CLASP1: variants seen among roughly 807,000 people sequenced by gnomAD.
The protein encoded by CLASP1 is cytoplasmic linker associated protein 1, also known as CLIP-associating protein 1.
CLASP1 carries 38 observed loss-of-function variants against 192.3 expected under a neutral mutation model. That is an observed-to-expected ratio of 0.20 (90% CI 0.15 to 0.26). The LOEUF (loss-of-function observed/expected upper bound fraction) is 0.26. Ranked by LOEUF, CLASP1 falls within the 10% of genes least tolerant of loss-of-function variation. The pLI, the probability that CLASP1 is intolerant of heterozygous loss-of-function variation, is 1.00. For missense variants in CLASP1, 1,433 were observed against 1,932.5 expected, an observed-to-expected ratio of 0.74 and a Z score of 4.85; for synonymous variants, 691 against 712.8, an observed-to-expected ratio of 0.97 and a Z score of 0.49.
At chr2:121,588,632 T>C (rs771169496) in intron 2 of CLASP1, among the ~76,000 whole-genome samples, 24 of 152,186 alleles carry the variant, frequency 1.6e-4, no homozygotes, top group Non-Finnish European at 3.4e-4. Flanking sequence ...TCTCCTCTTA[T>C]GGACAAGAAA....
At chr2:121,531,212 T>A (rs2094853191) in intron 2 of CLASP1, among the ~76,000 whole-genome samples, 1 of 152,110 alleles carries the variant, frequency 6.6e-6, no homozygotes, top group Non-Finnish European at 1.5e-5. Context: ...CATCAACTGT[T>A]CTGTAACTTC....
intron 18 of CLASP1, 36 bp downstream of exon 18, chr2:121,448,240 C>G: frequency 1.3e-6 from 2 of 1,580,850 alleles, no homozygotes; most frequent in Non-Finnish European, 1.7e-6. Flanking sequence ...CCCACCAGAG[C>G]GGAGAACAGG....
At chr2:121,362,650 A>G (rs1487742981) in intron 37 of CLASP1, among the ~76,000 whole-genome samples, 8 of 152,214 alleles carry the variant, frequency 5.3e-5, no homozygotes, top group Admixed American at 5.2e-4. Context: ...CTGGGCTGGA[A>G]TCATCCCTGG....
chr2:121,585,671 G>A (rs887698831), intron 2 of CLASP1, among the ~76,000 whole-genome samples: 21 of 152,140 alleles, frequency 1.4e-4, no homozygotes, highest in Non-Finnish European at 2.2e-4. Context: ...AGGCCGAAGC[G>A]GGCAGATCAC....
At chr2:121,387,990 A>G (rs1023654440) in intron 30 of CLASP1, 84 bp from the exon 32 acceptor site, 110 of 1,099,590 alleles carry the variant, frequency 1.0e-4, no homozygotes, top group Admixed American at 3.1e-4. Flanking sequence ...AAAATATTTT[A>G]TAAGTAAAAT....
rs2094699724 is a variant in CLASP1 at position 121,529,648 on chromosome 2, GGTTTT to G, written c.274+594_274+598del. On this transcript the variant is annotated intron_variant, in intron 3 of 39. Coordinates refer to ENST00000263710, the Ensembl canonical transcript of CLASP1. ...GGTATTTAAATCTATGAAATCTGTG[GGTTTT>G]GTTTCATTTTGCTGACATACTGTTT... Among the ~76,000 whole-genome samples the G allele has an allele frequency of 3.3e-5, 5 of 152,222 alleles. 1 individual carries two copies. The highest frequency in any genetic ancestry group is 1.2e-4 in the African/African-American group (5 of 41,538).
chr2:121,430,367 G>C (rs1296394115), intron 19 of CLASP1, among the ~76,000 whole-genome samples, 190 bp from the exon 20 acceptor site: 1 of 152,288 alleles, frequency 6.6e-6, no homozygotes, highest in African/African-American at 2.4e-5. Context: ...ATGCGCATAT[G>C]ATCCACGCAC....
At chr2:121,374,963 T>G (rs2069665476) in intron 34 of CLASP1, among the ~76,000 whole-genome samples, 1 of 152,160 alleles carries the variant, frequency 6.6e-6, no homozygotes. Flanking sequence ...GGAGGACTGT[T>G]GGGAAGGCAT....
intron 2 of CLASP1, among the ~76,000 whole-genome samples, chr2:121,588,753 T>TC (rs1053324986): frequency 2.2e-4 from 33 of 152,202 alleles, no homozygotes; most frequent in African/African-American, 7.7e-4. Flanking sequence ...CCCTGAGGCC[T>TC]CCCCCAACCA....
At chr2:121,444,988 AAGGGATAAC>A in intron 19 of CLASP1, 1 of 1,334,702 alleles carries the variant, frequency 7.5e-7, no homozygotes, top group Non-Finnish European at 1.0e-6. Flanking sequence ...AAAACAAGGG[AAGGGATAAC>A]AGGGAACAGT....
intron 32 of CLASP1, 124 bp downstream of exon 33, chr2:121,386,998 C>T (rs190243855): frequency 1.9e-5 from 15 of 794,126 alleles, no homozygotes; most frequent in East Asian, 2.7e-5. Context: ...CTAGAACCCA[C>T]GGTTCTTGAT....
At chr2:121,621,957 C>T (rs1170962543) in intron 1 of CLASP1, among the ~76,000 whole-genome samples, 1 of 152,104 alleles carries the variant, frequency 6.6e-6, no homozygotes, top group African/African-American at 2.4e-5. Flanking sequence ...AAGCAATCCT[C>T]CTGCCTCAGC....
chr2:121,531,464 C>T (rs1236610775), intron 2 of CLASP1, among the ~76,000 whole-genome samples: 3 of 151,068 alleles, frequency 2.0e-5, no homozygotes, highest in Non-Finnish European at 4.4e-5. Flanking sequence ...GCGAGGTGGC[C>T]GGCGCCTGTA....
chr2:121,587,810 A>G (rs1368698732), intron 2 of CLASP1, among the ~76,000 whole-genome samples: 15 of 146,440 alleles, frequency 1.0e-4, no homozygotes, highest in East Asian at 4.2e-4. Flanking sequence ...CAGCCTGGAC[A>G]ACAGAATGAG....
chr2:121,582,507 AAG>A (rs745864107), intron 2 of CLASP1, among the ~76,000 whole-genome samples: 78 of 151,200 alleles, frequency 5.2e-4, no homozygotes, highest in Middle Eastern at 6.8e-3. Flanking sequence ...GGGAGAAAGA[AAG>A]AGAGGAGAGA....
chr2:121,531,047 A>AGTAATTC, intron 2 of CLASP1: 1 of 698,240 alleles, frequency 1.4e-6, no homozygotes, highest in Non-Finnish European at 2.6e-6. Context: ...TTCAAACAGC[A>AGTAATTC]GTAATTCGTA....
At chr2:121,597,328 T>C (rs964514404) in intron 2 of CLASP1, among the ~76,000 whole-genome samples, 4 of 152,178 alleles carry the variant, frequency 2.6e-5, no homozygotes, top group Admixed American at 6.6e-5. Context: ...ACCACAGCCA[T>C]AGACTATCAT....
At chr2:121,549,903 G>A (rs2057863463) in intron 2 of CLASP1, among the ~76,000 whole-genome samples, 1 of 151,426 alleles carries the variant, frequency 6.6e-6, no homozygotes, top group Non-Finnish European at 1.5e-5. Flanking sequence ...CTACTCAGGA[G>A]GCTGAGGCAG....
intron 19 of CLASP1, among the ~76,000 whole-genome samples, chr2:121,443,942 G>A (rs946267246): frequency 6.6e-6 from 1 of 152,134 alleles, no homozygotes; most frequent in Non-Finnish European, 1.5e-5. Context: ...AGCTAACTTT[G>A]CATGCTAGCC....
Sources: allele counts gnomAD v4.1 joint callset (sites outside exome capture counted in the v4.1 genomes callset), GRCh38; gene constraint gnomAD v4.1.1; transcripts MANE v1.5; gene names NCBI Gene and HGNC (gene_info 2026-07-23, HGNC 2026-07-21).